Variants in FAT3 observed in about 807,000 individuals in gnomAD.
The protein encoded by FAT3 is FAT atypical cadherin 3.
Under a neutral mutation model 310.2 loss-of-function variants are expected in FAT3, and 95 were observed. The observed-to-expected ratio is 0.31, with a 90% CI of 0.26 to 0.36. FAT3 has a LOEUF of 0.36. FAT3 is among the 10% of genes least tolerant of loss of function. The probability of loss-of-function intolerance (pLI) is 1.00; values close to 1 mark genes in which losing one functional copy is unlikely to be tolerated. For missense variants in FAT3, 5,408 were observed against 5,715.6 expected, an observed-to-expected ratio of 0.95 and a Z score of 1.74; for synonymous variants, 2,314 against 2,192.9, an observed-to-expected ratio of 1.06 and a Z score of -1.54.
In FAT3 at chr11:92,860,057, C is replaced by T. The variant is rs558880723; in HGVS notation, c.11658+735C>T. 3.3e-5 allele frequency among the ~76,000 whole-genome samples: 5 copies of T among 152,258 alleles called. No individual in the cohort carries two copies. The South Asian group carries it at 1.0e-3, about 32-fold the overall frequency. Reference sequence around the variant, plus strand: ...TCTCTACTAAAAATACAAAAATTAGCTAGGCATGGTAGTCGGCACCTATAA... The same window carrying T: ...TCTCTACTAAAAATACAAAAATTAGTTAGGCATGGTAGTCGGCACCTATAA... On this transcript the variant is annotated intron_variant, in intron 21 of 27. Transcript: ENST00000525166.
intron 19 of FAT3, among the ~76,000 whole-genome samples, chr11:92,847,077 A>G (rs1228236385): frequency 6.6e-6 from 1 of 152,232 alleles, no homozygotes; most frequent in Non-Finnish European, 1.5e-5. Flanking sequence ...CTGCATCTTA[A>G]GAACAGGGAC....
intron 1 of FAT3, among the ~76,000 whole-genome samples, chr11:92,319,561 A>G (rs1487085572): frequency 1.3e-5 from 2 of 152,202 alleles, no homozygotes; most frequent in East Asian, 3.8e-4. Flanking sequence ...AGCGCCAACA[A>G]CATTGATGCA....
At chr11:92,645,490 G>GAAAAA (rs10655127) in intron 3 of FAT3, among the ~76,000 whole-genome samples, 2 of 140,682 alleles carry the variant, frequency 1.4e-5, no homozygotes, top group Admixed American at 1.4e-4. Context: ...CTGCTTTTCA[G>GAAAAA]AAAAAAAAAA....
At chr11:92,811,344 G>A (rs1947666635) in intron 13 of FAT3, among the ~76,000 whole-genome samples, 2 of 152,080 alleles carry the variant, frequency 1.3e-5, no homozygotes, top group African/African-American at 2.4e-5. Context: ...TGTATAATTA[G>A]GCCATAGATG....
intron 3 of FAT3, among the ~76,000 whole-genome samples, chr11:92,573,996 G>A (rs545357715): frequency 9.3e-5 from 14 of 150,006 alleles, no homozygotes; most frequent in East Asian, 3.9e-4. Context: ...TGTAACTGGC[G>A]TGTTCCTCTG....
intron 2 of FAT3, among the ~76,000 whole-genome samples, chr11:92,522,089 T>C (rs1465921970): frequency 6.6e-6 from 1 of 152,160 alleles, no homozygotes; most frequent in Non-Finnish European, 1.5e-5. Flanking sequence ...CTCATGGCAG[T>C]GAAGAGGTGC....
In FAT3 at chr11:92,761,894, A is replaced by T. The variant is rs1195586299; in HGVS notation, c.3708A>T (p.Ser1236=). The T allele has an allele frequency of 1.6e-5, 26 of 1,613,798 alleles. No individual in the cohort carries two copies. The Admixed American group carries it at 4.2e-4, about 26-fold the overall frequency. The part of the protein sequence containing the change: ...VTDGGPSPKQ[S]TIWVVVQVLD... ...ATGGTGGTCCCTCTCCAAAACAGTCAACCATTTGGGTGGTGGTTCAGGTTC... is the reference window on the plus strand; with the variant it reads ...ATGGTGGTCCCTCTCCAAAACAGTCTACCATTTGGGTGGTGGTTCAGGTTC... The change falls in exon 5 of 28, where the codon TCA becomes TCT. Residue 1236 remains serine (S), a synonymous_variant. Transcript: ENST00000525166.
chr11:92,602,210 A>G (rs1271116525), intron 3 of FAT3, among the ~76,000 whole-genome samples: 1 of 151,894 alleles, frequency 6.6e-6, no homozygotes, highest in Non-Finnish European at 1.5e-5. Context: ...AGTAGCTGGG[A>G]TTACAGGTGT....
intron 1 of FAT3, among the ~76,000 whole-genome samples, chr11:92,337,803 C>T (rs562044313): frequency 6.6e-6 from 1 of 152,336 alleles, no homozygotes; most frequent in Admixed American, 6.5e-5. Context: ...ACTTGTTGTA[C>T]AAGCTTCTCT....
intron 3 of FAT3, among the ~76,000 whole-genome samples, chr11:92,603,781 T>C (rs1368160022): frequency 1.3e-5 from 2 of 152,202 alleles, no homozygotes; most frequent in Non-Finnish European, 2.9e-5. Flanking sequence ...ATTGGAAATA[T>C]AGTACCAAAA....
intron 6 of FAT3, among the ~76,000 whole-genome samples, chr11:92,773,521 T>C (rs191690339): frequency 5.3e-4 from 81 of 152,294 alleles, no homozygotes; most frequent in African/African-American, 1.8e-3. Context: ...TTGCTTTTTT[T>C]TACTGTTTAG....
chr11:92,796,435 C>T (rs1947175804), intron 9 of FAT3, among the ~76,000 whole-genome samples: 1 of 152,062 alleles, frequency 6.6e-6, no homozygotes, highest in Non-Finnish European at 1.5e-5. Context: ...GTTACATGAA[C>T]ATGACCATTT....
intron 4 of FAT3, among the ~76,000 whole-genome samples, chr11:92,746,844 G>T (rs1250212806): frequency 1.3e-5 from 2 of 152,200 alleles, no homozygotes; most frequent in Non-Finnish European, 2.9e-5. Flanking sequence ...GTTCCAAAAT[G>T]ATCTTCTTTG....
chr11:92,392,219 A>G (rs1949766048), intron 2 of FAT3, among the ~76,000 whole-genome samples: 1 of 152,182 alleles, frequency 6.6e-6, no homozygotes, highest in African/African-American at 2.4e-5. Flanking sequence ...AGAATGTTCC[A>G]TACATTTTCC....
At chr11:92,507,973 A>C (rs1208429573) in intron 2 of FAT3, among the ~76,000 whole-genome samples, 1 of 152,136 alleles carries the variant, frequency 6.6e-6, no homozygotes, top group Admixed American at 6.6e-5. Flanking sequence ...GTTTGGTGAG[A>C]TTTAACCTAA....
intron 1 of FAT3, among the ~76,000 whole-genome samples, chr11:92,310,462 A>C (rs1303938300): frequency 1.3e-5 from 2 of 152,168 alleles, no homozygotes; most frequent in Non-Finnish European, 2.9e-5. Context: ...CACAGGCAAA[A>C]GAATCTTAGT....
intron 2 of FAT3, among the ~76,000 whole-genome samples, chr11:92,497,901 A>G (rs2135260983): frequency 6.6e-6 from 1 of 152,152 alleles, no homozygotes; most frequent in Admixed American, 6.6e-5. Flanking sequence ...ACAGGCATAA[A>G]CACAAGAGAA....
intron 3 of FAT3, among the ~76,000 whole-genome samples, chr11:92,631,705 A>G (rs1413340108): frequency 6.6e-6 from 1 of 152,168 alleles, no homozygotes; most frequent in Non-Finnish European, 1.5e-5. Flanking sequence ...AGCAATGCCA[A>G]AATGAACTAA....
intron 3 of FAT3, among the ~76,000 whole-genome samples, chr11:92,585,661 G>A (rs1389780761): frequency 6.6e-6 from 1 of 152,036 alleles, no homozygotes; most frequent in Non-Finnish European, 1.5e-5. Flanking sequence ...GGAGCACAGA[G>A]AGGTTAAGTC....
Sources: allele counts gnomAD v4.1 joint callset (sites outside exome capture counted in the v4.1 genomes callset), GRCh38; gene constraint gnomAD v4.1.1; transcripts MANE v1.5; gene names NCBI Gene and HGNC (gene_info 2026-07-23, HGNC 2026-07-21).